Variants in PDZRN3 observed in about 807,000 individuals in gnomAD.
PDZRN3 encodes the protein E3 ubiquitin-protein ligase PDZRN3.
In PDZRN3, 38 loss-of-function variants were observed where a neutral mutation model predicts 85.7. The ratio of observed to expected loss-of-function variants is 0.44; its 90% confidence interval spans 0.34 to 0.58. The LOEUF (loss-of-function observed/expected upper bound fraction) is 0.58. Ranked by LOEUF, PDZRN3 falls within the 20% of genes least tolerant of loss-of-function variation. PDZRN3 has a pLI of 0.01. For synonymous variants in PDZRN3, 759 were observed against 638.0 expected (o/e 1.19, Z -2.86); for missense variants, 1,629 against 1,506.4 (o/e 1.08, Z -1.35).
intron 3 of PDZRN3, among the ~76,000 whole-genome samples, chr3:73,428,457 T>C (rs1347880087): frequency 1.3e-5 from 2 of 152,204 alleles, no homozygotes; most frequent in Admixed American, 1.3e-4. Context: ...ACCAACCATG[T>C]GCTGAGAGTA....
chr3:73,425,807 T>C lies in PDZRN3; in HGVS notation c.919-21412A>G, dbSNP rs564576502. On this transcript the variant is annotated intron_variant, in intron 3 of 9. Coordinates refer to ENST00000263666, the MANE Select transcript of PDZRN3 (RefSeq NM_015009.3). ...CTAAAGATTGACCAATGATGTTGTT[T>C]AATTGACAGGCTGTAACCTGAAAGC... Among the ~76,000 whole-genome samples, 3 of 152,306 alleles carry C rather than the reference T, an allele frequency of 2.0e-5. No homozygotes were observed. In the South Asian group the frequency reaches 6.2e-4, roughly 32 times the overall value.
intron 3 of PDZRN3, among the ~76,000 whole-genome samples, chr3:73,408,687 T>C (rs140562144): frequency 2.0e-5 from 3 of 152,220 alleles, no homozygotes; most frequent in East Asian, 3.9e-4. Context: ...TCTTAAAAGA[T>C]GATGAGACAA....
At chr3:73,507,660 A>G (rs1229845703) in intron 3 of PDZRN3, among the ~76,000 whole-genome samples, 2 of 152,244 alleles carry the variant, frequency 1.3e-5, no homozygotes, top group Admixed American at 6.5e-5. Flanking sequence ...AATCAGCCAT[A>G]TGAGAAATCA....
chr3:73,570,985 A>G (rs920545728), intron 3 of PDZRN3, among the ~76,000 whole-genome samples: 9 of 152,362 alleles, frequency 5.9e-5, no homozygotes, highest in African/African-American at 1.9e-4. Context: ...AGAGAAGAGA[A>G]AGATTGTGAT....
intron 5 of PDZRN3, among the ~76,000 whole-genome samples, chr3:73,395,264 C>G (rs1300041845): frequency 6.6e-6 from 1 of 152,216 alleles, no homozygotes; most frequent in Non-Finnish European, 1.5e-5. Flanking sequence ...TAGTTTTACA[C>G]AATTAAGCAT....
intron 7 of PDZRN3, among the ~76,000 whole-genome samples, chr3:73,388,641 G>A (rs571116877): frequency 3.5e-4 from 54 of 152,122 alleles, no homozygotes; most frequent in Admixed American, 7.9e-4. Context: ...GAGCCCTGCT[G>A]GTCTGGAGGT....
intron 3 of PDZRN3, among the ~76,000 whole-genome samples, chr3:73,493,304 C>A (rs1703808011): frequency 6.6e-6 from 1 of 152,084 alleles, no homozygotes; most frequent in South Asian, 2.1e-4. Flanking sequence ...AAGGAGAATT[C>A]CCTAGCACCT....
At chr3:73,459,331 A>G (rs1173526580) in intron 3 of PDZRN3, among the ~76,000 whole-genome samples, 1 of 152,216 alleles carries the variant, frequency 6.6e-6, no homozygotes, top group African/African-American at 2.4e-5. Flanking sequence ...TGAATTAAGT[A>G]CTTTTTAATT....
intron 3 of PDZRN3, chr3:73,569,406 A>G: frequency 8.6e-7 from 1 of 1,165,470 alleles, no homozygotes; most frequent in Non-Finnish European, 1.1e-6. Flanking sequence ...CCTGTACAAG[A>G]GTACATATTT....
At chr3:73,551,688 C>CA (rs71126878) in intron 3 of PDZRN3, among the ~76,000 whole-genome samples, 2,780 of 104,328 alleles carry the variant, frequency 0.027, 77 homozygotes, top group African/African-American at 0.076. Context: ...GACCCTGTTT[C>CA]AAAAAAAAAA....
chr3:73,624,651 G>T lies in PDZRN3; in HGVS notation c.175C>A (p.Arg59Ser). 1.3e-6 allele frequency: 2 copies of T among 1,534,982 alleles called. No individual in the cohort carries two copies. The highest frequency in any genetic ancestry group is 1.2e-5 in the South Asian group (1 of 82,250). Residue 59 changes from arginine to serine, a missense_variant, in exon 1 of 10, where the codon CGC becomes AGC. Arg to Ser is a moderately radical substitution (Grantham distance 110). Coordinates refer to ENST00000263666, the MANE Select transcript of PDZRN3 (RefSeq NM_015009.3). ...EGSCPARCRG[R>S]LSAKELNHVL... ...TGGTTGAGCTCTTTGGCCGACAGGC[G>T]ACCGCGGCAGCGCGCCGGGCAGCTG...
intron 3 of PDZRN3, among the ~76,000 whole-genome samples, chr3:73,429,940 CCTGT>C (rs1702397334): frequency 6.6e-6 from 1 of 152,180 alleles, no homozygotes. Flanking sequence ...AGCACCTGGG[CCTGT>C]CTGAGACACC....
chr3:73,511,825 A>G (rs1405124260), intron 3 of PDZRN3, among the ~76,000 whole-genome samples: 1 of 152,250 alleles, frequency 6.6e-6, no homozygotes, highest in Non-Finnish European at 1.5e-5. Flanking sequence ...TCAGGCTGAC[A>G]GTTAAATCAC....
chr3:73,608,426 C>T (rs1013984523), intron 2 of PDZRN3, among the ~76,000 whole-genome samples, 172 bp downstream of exon 2: 2 of 152,134 alleles, frequency 1.3e-5, no homozygotes, highest in East Asian at 1.9e-4. Context: ...TAGGAGACTA[C>T]GCAATAAAAA....
Position 73,469,142 on chromosome 3 carries a change from C to T in PDZRN3, c.919-64747G>A, listed in dbSNP as rs1245649367. The stretch of plus-strand genomic sequence containing the variant: ...AGGCTAGAGTGCAGTGGCACAATCT[C>T]GGCTCACTGCAACCTCCGCCTCCCG... On this transcript the variant is annotated intron_variant, in intron 3 of 9. Transcript: ENST00000263666. Among the ~76,000 whole-genome samples, 3 of 151,272 alleles carry T rather than the reference C, an allele frequency of 2.0e-5. No individual in the cohort carries two copies. The East Asian group carries it at 5.9e-4, about 30-fold the overall frequency.
At chr3:73,585,127 G>T (rs1268200190) in intron 3 of PDZRN3, among the ~76,000 whole-genome samples, 2 of 152,112 alleles carry the variant, frequency 1.3e-5, no homozygotes, top group African/African-American at 2.4e-5. Flanking sequence ...TCCTTTCTTG[G>T]CTGAGTGTTT....
chr3:73,530,054 T>C (rs553891714), intron 3 of PDZRN3, among the ~76,000 whole-genome samples: 1 of 152,218 alleles, frequency 6.6e-6, no homozygotes, highest in African/African-American at 2.4e-5. Flanking sequence ...TACCCATTCA[T>C]GTAATCATAA....
intron 3 of PDZRN3, chr3:73,561,541 T>C (rs537516201): frequency 2.0e-4 from 30 of 152,344 alleles, no homozygotes; most frequent in African/African-American, 6.7e-4. Context: ...ATCCTAAACA[T>C]TTGGATGCGT....
chr3:73,540,727 G>A (rs1471118624), intron 3 of PDZRN3, among the ~76,000 whole-genome samples: 2 of 152,154 alleles, frequency 1.3e-5, no homozygotes, highest in African/African-American at 4.8e-5. Context: ...GCAGAACTGA[G>A]TCAATTAAAC....
Sources: gnomAD v4.1 joint callset for allele counts (sites outside exome capture counted in the v4.1 genomes callset) on GRCh38, gnomAD v4.1.1 for gene constraint, MANE v1.5 for transcripts, NCBI Gene and HGNC (gene_info 2026-07-23, HGNC 2026-07-21) for gene names.